The following RAB44 variants were observed in gnomAD, a reference collection of about 807,000 sequenced individuals.
RAB44 encodes ras-related protein Rab-44.
Under a neutral mutation model 93.3 loss-of-function variants are expected in RAB44, and 67 were observed. That is an observed-to-expected ratio of 0.72 (90% CI 0.59 to 0.88). RAB44 has a LOEUF of 0.88. Among genes scored for constraint, RAB44 ranks in the 40% least tolerant of loss-of-function variants. RAB44 has a pLI of 0.00. For missense variants in RAB44, 1,064 were observed against 1,261.7 expected, an observed-to-expected ratio of 0.84 and a Z score of 2.37; for synonymous variants, 427 against 520.3, an observed-to-expected ratio of 0.82 and a Z score of 2.44.
Position 36,722,080 on chromosome 6 carries a change from TAA to T in RAB44, c.1947_1948del (p.Glu651SerfsTer10). On this transcript the variant is annotated frameshift_variant, in exon 9 of 14. Transcript: ENST00000612677. LOFTEE classifies it high-confidence loss of function. The stretch of plus-strand genomic sequence containing the variant: ...GTGCAGGAGGGCCTTCCTGAGGGGC[TAA>T]GAGAAGCTCATGGCCAGGTCCTTGG... The T allele has an allele frequency of 8.1e-7, 1 of 1,228,992 alleles. No individual in the cohort carries two copies. The highest frequency in any genetic ancestry group is 1.0e-6 in the Non-Finnish European group (1 of 988,512). 76.1% of individuals were successfully genotyped at this position (1,228,992 alleles called of 1,614,324 possible). A position where few individuals can be genotyped will look rare whatever the true frequency, so the allele number is the denominator to read the frequency against.
In RAB44 at chr6:36,715,605, C is replaced by T. The variant is rs1352415532; in HGVS notation, c.446C>T (p.Ala149Val). The stretch of plus-strand genomic sequence containing the variant: ...GAGGCGGATGCTGAGGAGAAGGAGG[C>T]GTTCCTTGCCTTCATGGAGCAGCTG... ...LEEADAEEKEAFLAFMEQLGT... is the reference protein window; with the variant it reads ...LEEADAEEKEVFLAFMEQLGT... The change falls in exon 4 of 14, where the codon GCG becomes GTG. Residue 149 changes from alanine (A) to valine (V), a missense_variant. Coordinates refer to ENST00000612677, the MANE Select transcript of RAB44 (RefSeq NM_001257357.2). 1.3e-5 allele frequency: 20 copies of T among 1,536,044 alleles called. No homozygotes were observed. The highest frequency in any genetic ancestry group is 1.7e-4 in the Middle Eastern group (1 of 6,006).
In RAB44 at chr6:36,715,394, T is replaced by G. The variant is rs983606817; in HGVS notation, c.320-85T>G. ...ACTGGCACAGGTAGAATTACTTCCC[T>G]GAGGGCTGGACCAGGGCTGGGTGGG... On this transcript the variant is annotated intron_variant, in intron 3 of 13. Transcript: ENST00000612677. 3.4e-5 allele frequency: 43 copies of G among 1,272,622 alleles called. No individual in the cohort carries two copies. The African/African-American group carries it at 6.4e-4, about 19-fold the overall frequency. 78.8% of individuals were successfully genotyped at this position (1,272,622 alleles called of 1,614,324 possible). A position where few individuals can be genotyped will look rare whatever the true frequency, so the allele number is the denominator to read the frequency against.
intron 2 of RAB44, among the ~76,000 whole-genome samples, chr6:36,709,822 G>A (rs1282645775): frequency 1.3e-5 from 2 of 152,176 alleles, no homozygotes; most frequent in Admixed American, 1.3e-4. Flanking sequence ...CTCCCAAAGT[G>A]CTGGGATTAC....
At chr6:36,704,582 T>C in intron 2 of RAB44, 140 bp downstream of exon 2, 1 of 720,138 alleles carries the variant, frequency 1.4e-6, no homozygotes, top group Non-Finnish European at 2.3e-6. Context: ...GCTAGGGATG[T>C]GTTTATACTA....
At chr6:36,723,784 G>A (rs182256587) in intron 9 of RAB44, among the ~76,000 whole-genome samples, 164 of 137,534 alleles carry the variant, frequency 1.2e-3, no homozygotes, top group South Asian at 4.3e-3. Context: ...GCAGTGAGTC[G>A]AGATCGCACC....
intron 2 of RAB44, among the ~76,000 whole-genome samples, chr6:36,712,036 C>G (rs376827156): frequency 9.9e-5 from 15 of 152,216 alleles, no homozygotes; most frequent in African/African-American, 3.4e-4. Context: ...GGCGTGGTGG[C>G]TCATGCCTGT....
rs749754160 is a variant in RAB44, at chr6:36,715,581, A to G, written c.422A>G (p.Glu141Gly). 2.0e-6 allele frequency: 3 copies of G among 1,536,148 alleles called. No homozygotes were observed. In the South Asian group the frequency reaches 3.6e-5, roughly 18 times the overall value. ...SATTSFPALEEADAEEKEAFL... is the reference protein window; with the variant it reads ...SATTSFPALEGADAEEKEAFL... ...ACCACCAGCTTCCCAGCTCTGGAGG[A>G]GGCGGATGCTGAGGAGAAGGAGGCG... is the stretch of plus-strand genomic sequence containing the variant. Residue 141 changes from glutamate (E) to glycine (G), a missense_variant, in exon 4 of 14, where the codon GAG becomes GGG. Physicochemically the swap from Glu to Gly is moderately conservative, Grantham distance 98 (BLOSUM62 -2). Transcript: ENST00000612677.
At chr6:36,698,383 G>A (rs1762433637) in intron 1 of RAB44, among the ~76,000 whole-genome samples, 1 of 152,224 alleles carries the variant, frequency 6.6e-6, no homozygotes, top group Non-Finnish European at 1.5e-5. Flanking sequence ...CAGGGCCCAT[G>A]CCAGGTTGTA....
intron 7 of RAB44, among the ~76,000 whole-genome samples, chr6:36,719,548 C>T (rs1763015894): frequency 6.6e-6 from 1 of 152,200 alleles, no homozygotes; most frequent in Non-Finnish European, 1.5e-5. Flanking sequence ...GAGTTACCAT[C>T]TAGTCAGGGA....
At chr6:36,726,218 T>G (rs963536724) in intron 10 of RAB44, among the ~76,000 whole-genome samples, 2 of 152,202 alleles carry the variant, frequency 1.3e-5, no homozygotes, top group African/African-American at 4.8e-5. Flanking sequence ...GCTGGTCTTC[T>G]ACTTTCAACC....
chr6:36,732,432 T>A lies in RAB44; in HGVS notation c.*339T>A, dbSNP rs887091831. ...TTAGGGAGAATGTGGGGGGGGGGTG[T>A]TACTTTCCATTTTACACATATTTGT... On this transcript the variant is annotated 3_prime_UTR_variant, in exon 14 of 14. Coordinates refer to ENST00000612677, the MANE Select transcript of RAB44 (RefSeq NM_001257357.2). 6.6e-5 allele frequency: 11 copies of A among 167,002 alleles called. No homozygotes were observed. The highest frequency in any genetic ancestry group is 2.7e-4 in the African/African-American group (11 of 40,370). 10.3% of individuals were successfully genotyped at this position (167,002 alleles called of 1,614,324 possible). A position where few individuals can be genotyped will look rare whatever the true frequency, so the allele number is the denominator to read the frequency against.
chr6:36,722,290 C>A lies in RAB44; in HGVS notation c.2156C>A (p.Ser719Tyr). ...CCCCAGCAAGACTCTCTGCTTGTTTCTCTCCCATCTGCCACACCACAGGCT... is the reference window on the plus strand; with the variant it reads ...CCCCAGCAAGACTCTCTGCTTGTTTATCTCCCATCTGCCACACCACAGGCT... ...ELPQQDSLLV[S>Y]LPSATPQAQV... The change falls in exon 9 of 14, where the codon TCT (serine) becomes TAT (tyrosine). Residue 719 changes from serine to tyrosine, a missense_variant. By Grantham distance (144) the Ser-to-Tyr change is moderately radical (BLOSUM62 -2). Transcript: ENST00000612677. 1.5e-6 allele frequency: 2 copies of A among 1,305,200 alleles called. No homozygotes were observed. The highest frequency in any genetic ancestry group is 1.9e-6 in the Non-Finnish European group (2 of 1,029,018). 80.9% of individuals were successfully genotyped at this position (1,305,200 alleles called of 1,614,324 possible). A position where few individuals can be genotyped will look rare whatever the true frequency, so the allele number is the denominator to read the frequency against.
chr6:36,704,217 TC>T lies in RAB44; in HGVS notation c.-12-3del. ...CAGCCCGGTGCCCCTCACTCCTCTG[TC>T]CCCAGGGCCAACGCACCATGGAGAC... is the stretch of plus-strand genomic sequence containing the variant. On this transcript the variant is annotated splice_region_variant and splice_polypyrimidine_tract_variant and intron_variant, in intron 1 of 13. Coordinates refer to ENST00000612677, the MANE Select transcript of RAB44 (RefSeq NM_001257357.2). 1 of 1,533,276 alleles carries T rather than the reference TC, an allele frequency of 6.5e-7. No homozygotes were observed. The highest frequency in any genetic ancestry group is 8.7e-7 in the Non-Finnish European group (1 of 1,144,604). The allele number at this position is 1,533,276 out of a possible 1,614,324, so 95.0% of individuals were successfully genotyped here.
At chr6:36,724,730 G>C (rs142254160) in intron 9 of RAB44, among the ~76,000 whole-genome samples, 3,657 of 152,150 alleles carry the variant, frequency 0.024, 73 homozygotes, top group Non-Finnish European at 0.036. Flanking sequence ...AGCCTGCTGG[G>C]AGTACCTGAG....
In RAB44 at chr6:36,722,490, G is replaced by T; in HGVS notation, c.2356G>T (p.Glu786Ter). The part of the protein sequence containing the change: ...RPSLTTAHAE[E>*]QGPPHSREPR... Reference sequence around the variant, plus strand: ...ATCCCTCACGACTGCTCACGCAGAAGAACAAGGCCCGCCTCACTCCAGGGA... The same window carrying T: ...ATCCCTCACGACTGCTCACGCAGAATAACAAGGCCCGCCTCACTCCAGGGA... The change falls in exon 9 of 14, where the codon GAA becomes TAA. Residue 786 changes from glutamate to a stop codon, truncating the protein, a stop_gained. Transcript: ENST00000612677. LOFTEE classifies it high-confidence loss of function. The T allele has an allele frequency of 2.0e-6, 3 of 1,483,060 alleles. No homozygotes were observed. Among genetic ancestry groups the T allele is most frequent in the Non-Finnish European group, 2.7e-6 (3 of 1,116,452 alleles). The allele number at this position is 1,483,060 out of a possible 1,614,324, so 91.9% of individuals were successfully genotyped here. A position where few individuals can be genotyped will look rare whatever the true frequency, so the allele number is the denominator to read the frequency against.
At chr6:36,729,147 CCAAT>C (rs1250721616) in intron 12 of RAB44, among the ~76,000 whole-genome samples, 1 of 152,156 alleles carries the variant, frequency 6.6e-6, no homozygotes, top group South Asian at 2.1e-4. Flanking sequence ...CTTAAAATTC[CCAAT>C]CAAATTTTAA....
intron 10 of RAB44, among the ~76,000 whole-genome samples, chr6:36,726,363 A>G (rs1384601688): frequency 1.3e-5 from 2 of 152,096 alleles, no homozygotes; most frequent in Non-Finnish European, 2.9e-5. Flanking sequence ...CTCCTGCTTC[A>G]GCCTCTGAGT....
rs773172231 is a variant in RAB44 at position 36,704,358 on chromosome 6, C to T, written c.123C>T (p.Ser41=). Residue 41 remains serine, a synonymous_variant, in exon 2 of 14, where the codon TCC becomes TCT. Coordinates refer to ENST00000612677, the MANE Select transcript of RAB44 (RefSeq NM_001257357.2). The part of the protein sequence containing the change: ...AAVAPEPESW[S]SQAAAELQAF... Reference sequence around the variant, plus strand: ...TGGCCCCAGAGCCAGAGTCTTGGTCCTCTCAGGCAGCGGCAGAACTGCAGG... The same window carrying T: ...TGGCCCCAGAGCCAGAGTCTTGGTCTTCTCAGGCAGCGGCAGAACTGCAGG... 5.9e-6 allele frequency: 9 copies of T among 1,536,118 alleles called. No homozygotes were observed. In the South Asian group the frequency reaches 1.1e-4, roughly 18 times the overall value.
intron 1 of RAB44, among the ~76,000 whole-genome samples, chr6:36,702,094 G>A (rs1330285873): frequency 1.3e-5 from 2 of 152,098 alleles, no homozygotes; most frequent in African/African-American, 2.4e-5. Context: ...CTATTCTTTG[G>A]TGGGGGCAGG....
Sources: gnomAD v4.1 joint callset for allele counts (sites outside exome capture counted in the v4.1 genomes callset) on GRCh38, gnomAD v4.1.1 for gene constraint, MANE v1.5 for transcripts, NCBI Gene and HGNC (gene_info 2026-07-23, HGNC 2026-07-21) for gene names.